The following POU6F2 variants were observed in gnomAD, a reference collection of about 807,000 sequenced individuals.
POU6F2 encodes the protein POU domain, class 6, transcription factor 2.
POU6F2 carries 31 observed loss-of-function variants against 71.3 expected under a neutral mutation model. That is an observed-to-expected ratio of 0.43 (90% CI 0.33 to 0.59). The LOEUF (loss-of-function observed/expected upper bound fraction) is 0.59, where lower values mean the gene tolerates loss of function less well. POU6F2 is among the 20% of genes least tolerant of loss of function. The pLI is 0.04. For missense variants in POU6F2, 783 were observed against 856.8 expected, an observed-to-expected ratio of 0.91 and a Z score of 1.07; for synonymous variants, 347 against 355.7, an observed-to-expected ratio of 0.98 and a Z score of 0.27.
intron 2 of POU6F2, among the ~76,000 whole-genome samples, chr7:39,170,429 T>C (rs1163751253): frequency 6.6e-6 from 1 of 152,138 alleles, no homozygotes; most frequent in Non-Finnish European, 1.5e-5. Context: ...TGTAGATGAA[T>C]TCATATGGCT....
intron 5 of POU6F2, among the ~76,000 whole-genome samples, chr7:39,374,279 A>C (rs1309187880): frequency 6.6e-6 from 1 of 152,206 alleles, no homozygotes. Flanking sequence ...AGCTTGTGGC[A>C]TGGAGGAGAA....
intron 2 of POU6F2, among the ~76,000 whole-genome samples, chr7:39,150,043 G>A (rs1283442483): frequency 2.0e-5 from 3 of 151,918 alleles, no homozygotes; most frequent in Non-Finnish European, 1.5e-5. Flanking sequence ...CCGCAACCAC[G>A]CCCAGCTAAT....
At position 39,433,068 on chromosome 7, in the gene POU6F2, C is replaced by G. The variant is rs1240902503; in HGVS notation, c.1114-9C>G. The G allele has an allele frequency of 1.2e-6, 2 of 1,612,470 alleles. No homozygotes were observed. The highest frequency in any genetic ancestry group is 3.3e-4 in the Middle Eastern group (2 of 6,054). On this transcript the variant is annotated splice_polypyrimidine_tract_variant and intron_variant, in intron 6 of 9. Transcript: ENST00000518318. Reference sequence around the variant, plus strand: ...GAGCCAGCTCCTCACCTTTGGCCCTCTCTTGCAGATTATCGGGACCATTCC... The same window carrying G: ...GAGCCAGCTCCTCACCTTTGGCCCTGTCTTGCAGATTATCGGGACCATTCC...
At chr7:39,122,400 C>T (rs1249992021) in intron 2 of POU6F2, among the ~76,000 whole-genome samples, 1 of 152,226 alleles carries the variant, frequency 6.6e-6, no homozygotes, top group Non-Finnish European at 1.5e-5. Context: ...TCTAAAGAAA[C>T]TCAATTTTCC....
In POU6F2 at chr7:39,027,841, T is replaced by A. The variant is rs1035520689; in HGVS notation, c.105+49783T>A. On this transcript the variant is annotated intron_variant, in intron 1 of 9. Coordinates refer to ENST00000518318, the MANE Select transcript of POU6F2 (RefSeq NM_001370959.1). ...TTGCTTTGTACATTCTGGATTTTTT[T>A]AAATTTGTTTTTGCATTCCATGACA... Among the ~76,000 whole-genome samples the A allele has an allele frequency of 5.9e-5, 9 of 152,328 alleles. No homozygotes were observed. The East Asian group carries it at 1.2e-3, about 20-fold the overall frequency.
At chr7:39,131,072 G>T (rs1316412049) in intron 2 of POU6F2, among the ~76,000 whole-genome samples, 1 of 152,170 alleles carries the variant, frequency 6.6e-6, no homozygotes, top group Non-Finnish European at 1.5e-5. Context: ...GCATTTACAT[G>T]TATTGATTAG....
chr7:39,005,675 T>C lies in POU6F2; in HGVS notation c.105+27617T>C, dbSNP rs552112312. Among the ~76,000 whole-genome samples the C allele has an allele frequency of 2.7e-4, 41 of 152,128 alleles. No individual in the cohort carries two copies. The East Asian group carries it at 5.2e-3, about 19-fold the overall frequency. On this transcript the variant is annotated intron_variant, in intron 1 of 9. Transcript: ENST00000518318. ...TGAAGTGAGTAAGATCCAATGTTGATAGGGTATAAATGCAAGAGAATGGAC... is the reference window on the plus strand; with the variant it reads ...TGAAGTGAGTAAGATCCAATGTTGACAGGGTATAAATGCAAGAGAATGGAC...
intron 4 of POU6F2, among the ~76,000 whole-genome samples, chr7:39,276,786 G>T (rs1248535574): frequency 6.6e-6 from 1 of 151,680 alleles, no homozygotes; most frequent in African/African-American, 2.4e-5. Context: ...ATCATTCTCA[G>T]TAAACTATCG....
At chr7:39,228,340 A>G (rs1004817748) in intron 4 of POU6F2, among the ~76,000 whole-genome samples, 1 of 152,162 alleles carries the variant, frequency 6.6e-6, no homozygotes, top group African/African-American at 2.4e-5. Context: ...AGGATGGCCT[A>G]TTGACGCCAT....
chr7:39,051,222 T>C (rs1422177027), intron 1 of POU6F2, among the ~76,000 whole-genome samples: 2 of 152,098 alleles, frequency 1.3e-5, no homozygotes, highest in African/African-American at 2.4e-5. Flanking sequence ...GAGTCTCTGA[T>C]AGGCAGAAGT....
chr7:39,315,722 A>G (rs1785252468), intron 4 of POU6F2, among the ~76,000 whole-genome samples: 1 of 152,164 alleles, frequency 6.6e-6, no homozygotes, highest in African/African-American at 2.4e-5. Context: ...AGTAGCAAGA[A>G]TGGCAGTAGG....
At chr7:39,023,551 G>A (rs1015968617) in intron 1 of POU6F2, among the ~76,000 whole-genome samples, 13 of 152,064 alleles carry the variant, frequency 8.5e-5, no homozygotes, top group African/African-American at 2.4e-4. Flanking sequence ...TCCCTACAAT[G>A]TAGAATTATC....
At chr7:39,276,514 A>C (rs931340610) in intron 4 of POU6F2, among the ~76,000 whole-genome samples, 3 of 151,096 alleles carry the variant, frequency 2.0e-5, no homozygotes, top group Admixed American at 2.0e-4. Flanking sequence ...GGGATCTAGA[A>C]CTAGAAATAC....
At chr7:39,129,742 T>A (rs1349575563) in intron 2 of POU6F2, among the ~76,000 whole-genome samples, 1 of 152,226 alleles carries the variant, frequency 6.6e-6, no homozygotes. Flanking sequence ...CAGTTCAAAC[T>A]TCAAAGGGCA....
intron 2 of POU6F2, among the ~76,000 whole-genome samples, chr7:39,089,938 G>A (rs994272053): frequency 1.3e-5 from 2 of 151,568 alleles, no homozygotes; most frequent in Non-Finnish European, 2.9e-5. Context: ...GGGTGGCTGT[G>A]TTAGTCTCGG....
rs1234342147 is a variant in POU6F2, at chr7:39,414,321, T to TA, written c.1113+7583dup. On this transcript the variant is annotated intron_variant, in intron 6 of 9. Transcript: ENST00000518318. ...CACCTACATAACACGTTTGCAGAGATAAGGGATCTCAAACTGTTCCCAAAA... is the reference window on the plus strand; with the variant it reads ...CACCTACATAACACGTTTGCAGAGATAAAGGGATCTCAAACTGTTCCCAAAA... Among the ~76,000 whole-genome samples, 5 of 152,320 alleles carry TA rather than the reference T, an allele frequency of 3.3e-5. No individual in the cohort carries two copies. The East Asian group carries it at 9.7e-4, about 29-fold the overall frequency.
intron 1 of POU6F2, among the ~76,000 whole-genome samples, chr7:38,979,782 G>A (rs925047506): frequency 6.6e-6 from 1 of 152,016 alleles, no homozygotes; most frequent in African/African-American, 2.4e-5. Context: ...TCTTCTGTAT[G>A]GCATAGTTAT....
intron 4 of POU6F2, among the ~76,000 whole-genome samples, chr7:39,313,469 T>A (rs1245265002): frequency 1.3e-5 from 2 of 152,278 alleles, no homozygotes; most frequent in East Asian, 1.9e-4. Flanking sequence ...CAGACTACAA[T>A]GTAAGTTCCC....
In POU6F2 at chr7:39,464,389, G is replaced by A. The variant is rs778240626; in HGVS notation, c.1866G>A (p.Met622Ile). 5.6e-6 allele frequency: 9 copies of A among 1,613,932 alleles called. No homozygotes were observed. The highest frequency in any genetic ancestry group is 7.6e-6 in the Non-Finnish European group (9 of 1,179,908). ...CTGAGGCCCGCCATCGAGCAGGTAT[G>A]CAGAACCTGACCGAGTTTATCGGGA... Reference protein sequence around the residue: ...AEAEARHRAGMQNLTEFIGSE... With the variant: ...AEAEARHRAGIQNLTEFIGSE... The change falls in exon 10 of 10, where the codon ATG (methionine) becomes ATA (isoleucine). Residue 622 changes from methionine (M) to isoleucine (I), a missense_variant. This residue lies in a region of POU6F2 where 211 missense variants were observed against 283.9 expected (regional missense o/e 0.74). Transcript: ENST00000518318. The surrounding 1 kb of genome is among the most constrained non-coding windows in gnomAD (Gnocchi z 4.1).
Sources: allele counts gnomAD v4.1 joint callset (sites outside exome capture counted in the v4.1 genomes callset), GRCh38; gene constraint gnomAD v4.1.1; regional missense constraint gnomAD v4.1.1; non-coding constraint Gnocchi (gnomAD v3.1); transcripts MANE v1.5; gene names NCBI Gene and HGNC (gene_info 2026-07-23, HGNC 2026-07-21).